ATP8A2: variants seen among roughly 807,000 people sequenced by gnomAD.
ATP8A2 encodes ATPase phospholipid transporting 8A2.
A neutral mutation model predicts 165.6 loss-of-function variants in ATP8A2; 100 were observed. That is an observed-to-expected ratio of 0.60 (90% CI 0.51 to 0.71). ATP8A2 has a LOEUF of 0.71. Among genes scored for constraint, ATP8A2 ranks in the 30% least tolerant of loss-of-function variants. ATP8A2 has a pLI of 0.00. For synonymous variants in ATP8A2, 543 were observed against 548.8 expected (o/e 0.99, Z 0.15); for missense variants, 1,227 against 1,479.5 (o/e 0.83, Z 2.80).
intron 30 of ATP8A2, among the ~76,000 whole-genome samples, chr13:25,856,155 T>C (rs1350237700): frequency 6.6e-6 from 1 of 152,220 alleles, no homozygotes; most frequent in Non-Finnish European, 1.5e-5. Flanking sequence ...TTTGAAGAAG[T>C]CCAGTTCATC....
chr13:25,987,609 A>G (rs1956299592), intron 35 of ATP8A2, among the ~76,000 whole-genome samples: 1 of 152,146 alleles, frequency 6.6e-6, no homozygotes, highest in African/African-American at 2.4e-5. Flanking sequence ...CTTTTAACAT[A>G]AGGCCCAGAG....
intron 8 of ATP8A2, among the ~76,000 whole-genome samples, chr13:25,541,528 G>T (rs536277646): frequency 5.5e-4 from 84 of 152,060 alleles, no homozygotes; most frequent in Non-Finnish European, 1.0e-3. Context: ...GTCTCTTAAA[G>T]AAAAAGTGAA....
chr13:25,399,555 C>T lies in ATP8A2; in HGVS notation c.76+27267C>T, dbSNP rs1284004560. Among the ~76,000 whole-genome samples, 5 of 35,586 alleles carry T rather than the reference C, an allele frequency of 1.4e-4. 1 individual carries two copies. The highest frequency in any genetic ancestry group is 4.3e-4 in the Non-Finnish European group (5 of 11,596). The allele number at this position is 35,586 out of a possible 152,430, so 23.3% of individuals were successfully genotyped here. On this transcript the variant is annotated intron_variant, in intron 1 of 36. Transcript: ENST00000381655. ...CTGGGACTACAGGAGCCCGCCACCA[C>T]GCCCGGCTAATTTTTTTTTTGTATT...
chr13:25,594,402 T>TTA (rs777614051), intron 24 of ATP8A2, among the ~76,000 whole-genome samples: 174 of 152,198 alleles, frequency 1.1e-3, no homozygotes, highest in East Asian at 2.3e-3. Context: ...TTGCCAGGAT[T>TTA]TATGTGTGTG....
At chr13:25,419,076 C>T (rs575527650) in intron 1 of ATP8A2, among the ~76,000 whole-genome samples, 11 of 152,042 alleles carry the variant, frequency 7.2e-5, no homozygotes, top group Non-Finnish European at 1.6e-4. Flanking sequence ...TGTGTGTCTG[C>T]GTGCATGTGT....
chr13:25,488,328 T>C (rs2036416065), intron 2 of ATP8A2, among the ~76,000 whole-genome samples: 1 of 152,198 alleles, frequency 6.6e-6, no homozygotes, highest in African/African-American at 2.4e-5. Context: ...TCCCTGTTCT[T>C]CCTCCCCGTG....
At chr13:25,614,733 G>T (rs551579513) in intron 24 of ATP8A2, among the ~76,000 whole-genome samples, 1 of 152,252 alleles carries the variant, frequency 6.6e-6, no homozygotes, top group South Asian at 2.1e-4. Context: ...CCTAGGCATG[G>T]GGCTTCCTGA....
At chr13:25,729,588 G>T (rs61593979) in intron 25 of ATP8A2, among the ~76,000 whole-genome samples, 11,913 of 152,210 alleles carry the variant, frequency 0.078, 516 homozygotes, top group East Asian at 0.12. Flanking sequence ...CGCGACACGT[G>T]TGTCTTTTTC....
At chr13:25,772,285 A>G (rs1402241182) in intron 26 of ATP8A2, among the ~76,000 whole-genome samples, 1 of 150,868 alleles carries the variant, frequency 6.6e-6, no homozygotes, top group Non-Finnish European at 1.5e-5. Flanking sequence ...TAGAATATAC[A>G]TTTTTTTTTC....
At chr13:25,469,347 C>T (rs1181303798) in intron 2 of ATP8A2, among the ~76,000 whole-genome samples, 2 of 152,308 alleles carry the variant, frequency 1.3e-5, no homozygotes, top group Admixed American at 6.5e-5. Flanking sequence ...ATCCGTTCTG[C>T]GCCCAGCCTG....
At chr13:25,667,023 A>C (rs2042168243) in intron 24 of ATP8A2, among the ~76,000 whole-genome samples, 1 of 152,212 alleles carries the variant, frequency 6.6e-6, no homozygotes, top group Non-Finnish European at 1.5e-5. Context: ...AAAACTAACC[A>C]TTAAAAGTGA....
chr13:25,656,462 G>A (rs2041929607), intron 24 of ATP8A2, among the ~76,000 whole-genome samples: 1 of 151,934 alleles, frequency 6.6e-6, no homozygotes, highest in South Asian at 2.1e-4. Flanking sequence ...TTTTAATAGA[G>A]ACAAAGTTTG....
chr13:25,629,281 A>G (rs759389617), intron 24 of ATP8A2, among the ~76,000 whole-genome samples: 3 of 152,202 alleles, frequency 2.0e-5, no homozygotes, highest in Non-Finnish European at 4.4e-5. Flanking sequence ...TTTTAGAAGA[A>G]GCAATAGAAT....
chr13:25,799,247 A>G (rs1950565984), intron 27 of ATP8A2, among the ~76,000 whole-genome samples: 1 of 152,164 alleles, frequency 6.6e-6, no homozygotes, highest in Admixed American at 6.5e-5. Context: ...CTTTGTGCAG[A>G]TTTCCCTTGG....
At chr13:25,834,954 C>A (rs979482650) in intron 28 of ATP8A2, among the ~76,000 whole-genome samples, 1 of 150,640 alleles carries the variant, frequency 6.6e-6, no homozygotes, top group South Asian at 2.1e-4. Flanking sequence ...CCAGTGTCAA[C>A]GTTTTATGAA....
intron 2 of ATP8A2, among the ~76,000 whole-genome samples, chr13:25,497,910 C>T (rs186049179): frequency 9.1e-4 from 139 of 152,086 alleles, no homozygotes; most frequent in Non-Finnish European, 1.7e-3. Context: ...TGCAGTGAGC[C>T]GAGATCGCGC....
intron 2 of ATP8A2, 80 bp downstream of exon 2, chr13:25,469,201 G>C: frequency 4.6e-6 from 7 of 1,519,802 alleles, no homozygotes; most frequent in Non-Finnish European, 6.2e-6. Flanking sequence ...GCGGGGCTTG[G>C]CCGCGCACCT....
chr13:25,880,750 GC>G (rs1952957657), intron 33 of ATP8A2, among the ~76,000 whole-genome samples: 1 of 152,134 alleles, frequency 6.6e-6, no homozygotes, highest in Non-Finnish European at 1.5e-5. Flanking sequence ...ATCCCTTCAT[GC>G]CCCCAAAGCT....
rs2043986114 is a variant in ATP8A2 at position 25,744,470 on chromosome 13, C to T, written c.2385-24576C>T. Reference sequence around the variant, plus strand: ...TCATTTAGACTGTACTTCCCTTAGTCCTTTCAAAAGAACTAAAGCGGGGGG... The same window carrying T: ...TCATTTAGACTGTACTTCCCTTAGTTCTTTCAAAAGAACTAAAGCGGGGGG... On this transcript the variant is annotated intron_variant, in intron 25 of 36. Transcript: ENST00000381655. 2.6e-5 allele frequency among the ~76,000 whole-genome samples: 4 copies of T among 152,174 alleles called. No individual in the cohort carries two copies. The South Asian group carries it at 8.3e-4, about 32-fold the overall frequency.
Sources: allele counts gnomAD v4.1 joint callset (sites outside exome capture counted in the v4.1 genomes callset), GRCh38; gene constraint gnomAD v4.1.1; transcripts MANE v1.5; gene names NCBI Gene and HGNC (gene_info 2026-07-23, HGNC 2026-07-21).